Variants in LGALS8 observed in about 807,000 individuals in gnomAD.
LGALS8 encodes galectin-8.
Under a neutral mutation model 35.9 loss-of-function variants are expected in LGALS8, and 30 were observed. The ratio of observed to expected loss-of-function variants is 0.83; its 90% CI spans 0.62 to 1.13. LGALS8 has a LOEUF of 1.13. Ranked by LOEUF, LGALS8 falls within the 50% of genes most tolerant of loss-of-function variation. The pLI is 0.00. For synonymous variants in LGALS8, 138 were observed against 136.1 expected (o/e 1.01, Z -0.10); for missense variants, 366 against 388.7 (o/e 0.94, Z 0.49).
chr1:236,537,830 AC>A (rs2103089191), intron 3 of LGALS8, among the ~76,000 whole-genome samples: 1 of 151,832 alleles, frequency 6.6e-6, no homozygotes, highest in East Asian at 1.9e-4. Flanking sequence ...GGATGTGGTG[AC>A]TTAAACATAC....
chr1:236,519,352 C>T (rs1458790674), upstream of LGALS8, among the ~76,000 whole-genome samples: 1 of 149,630 alleles, frequency 6.7e-6, no homozygotes, highest in Non-Finnish European at 1.5e-5. Flanking sequence ...TATTGTACCA[C>T]AACACTCCAG....
rs532609509 is a variant in LGALS8 at position 236,541,678 on chromosome 1, A to G, written c.490A>G (p.Ser164Gly). 2.0e-6 allele frequency: 3 copies of G among 1,527,136 alleles called. No individual in the cohort carries two copies. Among genetic ancestry groups the G allele is most frequent in the Middle Eastern group, 2.0e-4 (1 of 5,066 alleles). 94.6% of individuals were successfully genotyped at this position (1,527,136 alleles called of 1,614,324 possible). A position where few individuals can be genotyped will look rare whatever the true frequency, so the allele number is the denominator to read the frequency against. ...GGACTTACAAAGTACCCAAGCATCT[A>G]GTCTGGAACTGACAGAGATAAGTAG... ...SSDLQSTQAS[S>G]LELTEISREN... Residue 164 changes from serine to glycine, a missense_variant, in exon 6 of 10, where the codon AGT becomes GGT. By Grantham distance (56) the Ser-to-Gly change is moderately conservative. Transcript: ENST00000366584.
Position 236,538,891 on chromosome 1 carries a change from T to C in LGALS8, c.147T>C (p.Asp49=), listed in dbSNP as rs1337418407. Residue 49 remains aspartate (D), a synonymous_variant, in exon 4 of 10, where the codon GAT becomes GAC. Transcript: ENST00000366584. ...TTCCCTCATATAGATTCCAGGTGGA[T>C]CTGCAGAATGGCAGCAGCATGAAAC... is the stretch of plus-strand genomic sequence containing the variant. ...VPSDADRFQV[D]LQNGSSMKPR... is the part of the protein sequence containing the mutation. 1.5e-5 allele frequency: 24 copies of C among 1,612,346 alleles called. No individual in the cohort carries two copies. Among genetic ancestry groups the C allele is most frequent in the Non-Finnish European group, 1.9e-5 (23 of 1,179,756 alleles).
At position 236,544,836 on chromosome 1, in the gene LGALS8, ATTC is replaced by A. The variant is rs1662261681; in HGVS notation, c.728_730del (p.Ser243del). ...CTGAATATTAAAGCATTTGTAAGAA[ATTC>A]TTTTCTTCAGGAGTCCTGGGGAGAA... On this transcript the variant is annotated inframe_deletion, in exon 9 of 10. Coordinates refer to ENST00000366584, the MANE Select transcript of LGALS8 (RefSeq NM_201544.4). 3.1e-6 allele frequency: 5 copies of A among 1,613,898 alleles called. No individual in the cohort carries two copies. Among genetic ancestry groups the A allele is most frequent in the Non-Finnish European group, 3.4e-6 (4 of 1,179,768 alleles).
upstream of LGALS8, among the ~76,000 whole-genome samples, chr1:236,520,696 A>G (rs947650002): frequency 1.3e-5 from 2 of 152,030 alleles, no homozygotes; most frequent in Admixed American, 1.3e-4. Flanking sequence ...GTCCCTTCTC[A>G]GTCTCATTTA....
chr1:236,523,233 C>G (rs997713685), upstream of LGALS8: 1 of 152,242 alleles, frequency 6.6e-6, no homozygotes, highest in South Asian at 2.1e-4. Context: ...AAACTGTTCC[C>G]TAAGTGTCCA....
At chr1:236,529,378 T>C (rs1661012585) in intron 2 of LGALS8, among the ~76,000 whole-genome samples, 1 of 152,052 alleles carries the variant, frequency 6.6e-6, no homozygotes, top group Non-Finnish European at 1.5e-5. Flanking sequence ...GGTCAGGAGT[T>C]CGAGACCAGC....
chr1:236,542,771 C>G lies in LGALS8; in HGVS notation c.533C>G (p.Ser178Cys), dbSNP rs776825291. The change falls in exon 7 of 10, where the codon TCT becomes TGT. Residue 178 changes from serine to cysteine, a missense_variant. Ser to Cys is a moderately radical substitution (Grantham distance 112). Coordinates refer to ENST00000366584, the MANE Select transcript of LGALS8 (RefSeq NM_201544.4). ...TEISRENVPK[S>C]GTPQLRLPFA... ...TTTCTTTTCCAATAGGTTCCAAAGT[C>G]TGGCACGCCCCAGCTTGTGAGTATT... 6.2e-7 allele frequency: 1 copy of G among 1,614,170 alleles called. No individual in the cohort carries two copies. The highest frequency in any genetic ancestry group is 1.1e-5 in the South Asian group (1 of 91,086).
upstream of LGALS8, among the ~76,000 whole-genome samples, chr1:236,519,296 T>G (rs1571980210): frequency 6.7e-6 from 1 of 149,306 alleles, no homozygotes; most frequent in East Asian, 2.0e-4. Flanking sequence ...GAGGCTGAGG[T>G]GGGAGGATCA....
chr1:236,529,044 G>A (rs1203100062), intron 2 of LGALS8, among the ~76,000 whole-genome samples: 1 of 152,172 alleles, frequency 6.6e-6, no homozygotes, highest in African/African-American at 2.4e-5. Context: ...GGGAGGCCAA[G>A]GCTAGTGGAT....
intron 2 of LGALS8, among the ~76,000 whole-genome samples, chr1:236,529,762 C>T (rs1661044129): frequency 6.6e-6 from 1 of 151,090 alleles, no homozygotes; most frequent in African/African-American, 2.4e-5. Flanking sequence ...AATTCTCCTG[C>T]CTCAGCCTCC....
rs1046436698 is a variant in LGALS8 at position 236,551,749 on chromosome 1, C to T, written c.*3588C>T. On this transcript the variant is annotated 3_prime_UTR_variant, in exon 10 of 10. Coordinates refer to ENST00000366584, the MANE Select transcript of LGALS8 (RefSeq NM_201544.4). ...CACAAACCACCACAAAAGAAAAGAT[C>T]GTGAAGATTACACTGTAAACGGACT... The T allele has an allele frequency of 7.2e-5, 28 of 389,548 alleles. No homozygotes were observed. Among genetic ancestry groups the T allele is most frequent in the Admixed American group, 2.2e-4 (5 of 23,078 alleles). 24.1% of individuals were successfully genotyped at this position (389,548 alleles called of 1,614,324 possible).
chr1:236,544,448 C>T (rs1466731432), intron 8 of LGALS8, among the ~76,000 whole-genome samples: 1 of 152,234 alleles, frequency 6.6e-6, no homozygotes, highest in Non-Finnish European at 1.5e-5. Context: ...CAGGCTCCTG[C>T]AGCCTGAAGT....
rs1662649552 is a variant in LGALS8 at position 236,550,031 on chromosome 1, AAG to A, written c.*1871_*1872del. The stretch of plus-strand genomic sequence containing the variant: ...CGGGATGTTCTTAGATGCCTTTAAA[AAG>A]GGGGCAGATCTAATTTTATTTGAAC... On this transcript the variant is annotated 3_prime_UTR_variant, in exon 10 of 10. Transcript: ENST00000366584. 1 of 152,208 alleles carries A rather than the reference AAG, an allele frequency of 6.6e-6. No homozygotes were observed. The highest frequency in any genetic ancestry group is 2.1e-4 in the South Asian group (1 of 4,836). The allele number at this position is 152,208 out of a possible 1,614,324, so 9.4% of individuals were successfully genotyped here. A position where few individuals can be genotyped will look rare whatever the true frequency, so the allele number is the denominator to read the frequency against.
chr1:236,549,163 T>C lies in LGALS8; in HGVS notation c.*1002T>C, dbSNP rs1190676819. 2.5e-6 allele frequency: 1 copy of C among 395,530 alleles called. No individual in the cohort carries two copies. Among genetic ancestry groups the C allele is most frequent in the East Asian group, 3.6e-5 (1 of 28,024 alleles). The allele number at this position is 395,530 out of a possible 1,614,324, so 24.5% of individuals were successfully genotyped here. On this transcript the variant is annotated 3_prime_UTR_variant, in exon 10 of 10. Coordinates refer to ENST00000366584, the MANE Select transcript of LGALS8 (RefSeq NM_201544.4). ...TGTTTTGTTCCCATGAAATCACCAA[T>C]CAAGGCCTCCGTTCTTCTAAAGATT...
intron 1 of LGALS8, 69 bp downstream of exon 1, chr1:236,524,130 C>T (rs1316044420): frequency 4.4e-6 from 2 of 456,454 alleles, no homozygotes; most frequent in South Asian, 1.5e-5. Flanking sequence ...CTGAGGGTCT[C>T]GCCAGTGGAG....
chr1:236,528,201 C>T (rs1176231000), intron 2 of LGALS8, among the ~76,000 whole-genome samples: 2 of 151,946 alleles, frequency 1.3e-5, no homozygotes, highest in African/African-American at 4.8e-5. Context: ...GCCAAGATGG[C>T]GAAACTCCGT....
chr1:236,546,416 T>C (rs1662367023), intron 9 of LGALS8, among the ~76,000 whole-genome samples: 1 of 152,262 alleles, frequency 6.6e-6, no homozygotes, highest in African/African-American at 2.4e-5. Context: ...CTTTCCATTA[T>C]GCCATTACTT....
chr1:236,520,235 G>T (rs374802093), upstream of LGALS8, among the ~76,000 whole-genome samples: 1 of 152,100 alleles, frequency 6.6e-6, no homozygotes, highest in Non-Finnish European at 1.5e-5. Flanking sequence ...GGGATTACAG[G>T]AGTGAGCCAA....
Sources: allele counts gnomAD v4.1 joint callset (sites outside exome capture counted in the v4.1 genomes callset), GRCh38; gene constraint gnomAD v4.1.1; transcripts MANE v1.5; gene names NCBI Gene and HGNC (gene_info 2026-07-23, HGNC 2026-07-21).